Variants in MNAT1 observed in about 807,000 individuals in gnomAD.
The protein encoded by MNAT1 is MNAT1 component of CDK activating kinase, also known as CDK-activating kinase assembly factor MAT1.
MNAT1 carries 43 observed loss-of-function variants against 42.0 expected under a neutral mutation model. The observed-to-expected ratio is 1.02, with a 90% CI of 0.80 to 1.32. The LOEUF is 1.32. Ranked by LOEUF, MNAT1 falls within the 40% of genes most tolerant of loss-of-function variation. The probability of loss-of-function intolerance (pLI) is 0.00; values close to 1 mark genes in which losing one functional copy is unlikely to be tolerated. For missense variants in MNAT1, 306 were observed against 350.4 expected, an observed-to-expected ratio of 0.87 and a Z score of 1.01; for synonymous variants, 118 against 120.0, an observed-to-expected ratio of 0.98 and a Z score of 0.11.
chr14:60,806,901 C>G (rs1029499228), intron 3 of MNAT1, among the ~76,000 whole-genome samples: 3 of 152,158 alleles, frequency 2.0e-5, no homozygotes, highest in Admixed American at 6.5e-5. Context: ...GAGAGTGCTG[C>G]TTGTCTGGAG....
At chr14:60,773,176 AC>A (rs2031125941) in intron 1 of MNAT1, among the ~76,000 whole-genome samples, 1 of 152,086 alleles carries the variant, frequency 6.6e-6, no homozygotes, top group Non-Finnish European at 1.5e-5. Context: ...TAACCTCGTG[AC>A]CTGCCCGCCT....
intron 7 of MNAT1, among the ~76,000 whole-genome samples, chr14:60,922,083 AATT>A (rs1427127811): frequency 6.6e-6 from 1 of 152,194 alleles, no homozygotes; most frequent in Non-Finnish European, 1.5e-5. Context: ...GAAAAAAAGT[AATT>A]ATTTTTGCTG....
chr14:60,896,164 T>C (rs1270802244), intron 7 of MNAT1, among the ~76,000 whole-genome samples: 3 of 152,154 alleles, frequency 2.0e-5, no homozygotes, highest in Non-Finnish European at 2.9e-5. Context: ...TAGTAAATAA[T>C]TATAACTCAA....
At chr14:60,748,046 A>G (rs1162557877) in intron 1 of MNAT1, among the ~76,000 whole-genome samples, 1 of 152,034 alleles carries the variant, frequency 6.6e-6, no homozygotes, top group Non-Finnish European at 1.5e-5. Flanking sequence ...AATACCAAAA[A>G]TTAGCCGAGT....
chr14:60,764,543 G>A (rs1457586621), intron 1 of MNAT1, among the ~76,000 whole-genome samples: 1 of 152,168 alleles, frequency 6.6e-6, no homozygotes, highest in Admixed American at 6.5e-5. Flanking sequence ...AAGCATTAGA[G>A]TTGAATTGAA....
chr14:60,739,911 T>C (rs911234716), intron 1 of MNAT1, among the ~76,000 whole-genome samples: 11 of 152,238 alleles, frequency 7.2e-5, no homozygotes, highest in African/African-American at 2.7e-4. Context: ...CCCAGCACTT[T>C]GGGAGGCTGA....
At chr14:60,843,802 A>G (rs577933495) in intron 6 of MNAT1, among the ~76,000 whole-genome samples, 31 of 152,162 alleles carry the variant, frequency 2.0e-4, no homozygotes, top group Non-Finnish European at 3.7e-4. Context: ...ATTTTGATGA[A>G]GTCAGATTTA....
At chr14:60,869,005 A>G (rs1018107633) in intron 6 of MNAT1, among the ~76,000 whole-genome samples, 16 of 134,510 alleles carry the variant, frequency 1.2e-4, no homozygotes, top group African/African-American at 3.3e-4. Context: ...CAACTTTTTT[A>G]TATTGTGTTA....
At position 60,734,799 on chromosome 14, in the gene MNAT1, G is replaced by C; in HGVS notation, c.-64G>C. On this transcript the variant is annotated 5_prime_UTR_variant, in exon 1 of 8. Coordinates refer to ENST00000261245, the MANE Select transcript of MNAT1 (RefSeq NM_002431.4). This position sits in a 1 kb window ranked among gnomAD's most constrained non-coding sequence, Gnocchi z 4.3. Reference sequence around the variant, plus strand: ...TAGGAACCTGCTTGGTCGCGTCTGAGGGGGCTTGTAGGTGGCTCTGGCTGA... The same window carrying C: ...TAGGAACCTGCTTGGTCGCGTCTGACGGGGCTTGTAGGTGGCTCTGGCTGA... 6.6e-7 allele frequency: 1 copy of C among 1,509,098 alleles called. No individual in the cohort carries two copies. Among genetic ancestry groups the C allele is most frequent in the South Asian group, 1.1e-5 (1 of 88,342 alleles). The allele number at this position is 1,509,098 out of a possible 1,614,324, so 93.5% of individuals were successfully genotyped here. A position where few individuals can be genotyped will look rare whatever the true frequency, so the allele number is the denominator to read the frequency against.
At chr14:60,863,759 G>A (rs1444786363) in intron 6 of MNAT1, among the ~76,000 whole-genome samples, 2 of 152,052 alleles carry the variant, frequency 1.3e-5, no homozygotes, top group Non-Finnish European at 2.9e-5. Flanking sequence ...ATAAAGGATT[G>A]TGATTTTGCT....
intron 3 of MNAT1, among the ~76,000 whole-genome samples, chr14:60,805,916 T>C (rs1272521175): frequency 1.3e-5 from 2 of 152,224 alleles, no homozygotes; most frequent in African/African-American, 2.4e-5. Context: ...TGCCAGATTA[T>C]ATGATAGAGT....
At chr14:60,898,973 A>G (rs2035020298) in intron 7 of MNAT1, among the ~76,000 whole-genome samples, 1 of 152,140 alleles carries the variant, frequency 6.6e-6, no homozygotes. Flanking sequence ...TATTCTGCAT[A>G]TGAATATCCA....
intron 7 of MNAT1, among the ~76,000 whole-genome samples, chr14:60,967,920 C>T (rs2036711836): frequency 6.6e-6 from 1 of 152,144 alleles, no homozygotes; most frequent in South Asian, 2.1e-4. Flanking sequence ...CAAAAAACAG[C>T]CAACAAAACA....
chr14:60,734,803 G>T lies in MNAT1; in HGVS notation c.-60G>T. ...AACCTGCTTGGTCGCGTCTGAGGGG[G>T]CTTGTAGGTGGCTCTGGCTGAAACA... On this transcript the variant is annotated 5_prime_UTR_variant, in exon 1 of 8. Coordinates refer to ENST00000261245, the MANE Select transcript of MNAT1 (RefSeq NM_002431.4). The surrounding 1 kb of genome is among the most constrained non-coding windows in gnomAD (Gnocchi z 4.3). 6 of 1,522,608 alleles carry T rather than the reference G, an allele frequency of 3.9e-6. No individual in the cohort carries two copies. Among genetic ancestry groups the T allele is most frequent in the South Asian group, 1.1e-5 (1 of 88,750 alleles). 94.3% of individuals were successfully genotyped at this position (1,522,608 alleles called of 1,614,324 possible). A position where few individuals can be genotyped will look rare whatever the true frequency, so the allele number is the denominator to read the frequency against.
intron 7 of MNAT1, among the ~76,000 whole-genome samples, chr14:60,938,853 C>G (rs1165074775): frequency 5.9e-5 from 9 of 152,064 alleles, no homozygotes; most frequent in Non-Finnish European, 1.2e-4. Context: ...CTGTGAATCC[C>G]TCTGGTCCTG....
intron 7 of MNAT1, among the ~76,000 whole-genome samples, chr14:60,926,198 C>T (rs113296246): frequency 5.3e-5 from 8 of 152,326 alleles, no homozygotes; most frequent in African/African-American, 1.7e-4. Flanking sequence ...ACAAAATGCG[C>T]TTCCTACTCT....
At chr14:60,822,066 T>A (rs2032905202) in intron 6 of MNAT1, among the ~76,000 whole-genome samples, 1 of 152,348 alleles carries the variant, frequency 6.6e-6, no homozygotes. Context: ...TTCTGTGTTC[T>A]TATCTTTTAA....
intron 7 of MNAT1, among the ~76,000 whole-genome samples, chr14:60,884,635 T>C (rs1029427275): frequency 2.0e-5 from 3 of 152,106 alleles, no homozygotes. Flanking sequence ...TTTTTGTTGT[T>C]CTATTTATAT....
intron 6 of MNAT1, among the ~76,000 whole-genome samples, chr14:60,878,643 A>T (rs765624933): frequency 5.9e-5 from 9 of 152,126 alleles, no homozygotes; most frequent in African/African-American, 2.2e-4. Context: ...GCAAAATGCC[A>T]TGAGTATTTT....
Sources: allele counts gnomAD v4.1 joint callset (sites outside exome capture counted in the v4.1 genomes callset), GRCh38; gene constraint gnomAD v4.1.1; non-coding constraint Gnocchi (gnomAD v3.1); transcripts MANE v1.5; gene names NCBI Gene and HGNC (gene_info 2026-07-23, HGNC 2026-07-21).